The following PTK2B variants were observed in gnomAD, a reference collection of about 807,000 sequenced individuals.
The protein encoded by PTK2B is protein tyrosine kinase 2 beta.
PTK2B carries 71 observed loss-of-function variants against 142.9 expected under a neutral mutation model. The observed-to-expected ratio is 0.50, with a 90% CI of 0.41 to 0.61. PTK2B has a LOEUF of 0.61. PTK2B is among the 20% of genes least tolerant of loss of function. The probability of loss-of-function intolerance (pLI) is 0.00; values close to 1 mark genes in which losing one functional copy is unlikely to be tolerated. For missense variants in PTK2B, 1,105 were observed against 1,320.4 expected, an observed-to-expected ratio of 0.84 and a Z score of 2.53; for synonymous variants, 519 against 503.4, an observed-to-expected ratio of 1.03 and a Z score of -0.42.
intron 1 of PTK2B, among the ~76,000 whole-genome samples, chr8:27,343,675 T>A (rs1804544289): frequency 6.6e-6 from 1 of 152,222 alleles, no homozygotes; most frequent in Admixed American, 6.5e-5. Context: ...ACTGTTACCA[T>A]GTCGCCTGCC....
Position 27,420,002 on chromosome 8 carries a change from G to C in PTK2B, c.312G>C (p.Trp104Cys). 6.2e-7 allele frequency: 1 copy of C among 1,614,190 alleles called. No individual in the cohort carries two copies. Among genetic ancestry groups the C allele is most frequent in the Non-Finnish European group, 8.5e-7 (1 of 1,180,040 alleles). ...ACATGAAGTCCGATGAGATCCACTGGCTGCACCCACAGATGACGGTGGGTG... is the reference window on the plus strand; with the variant it reads ...ACATGAAGTCCGATGAGATCCACTGCCTGCACCCACAGATGACGGTGGGTG... ...LKHMKSDEIH[W>C]LHPQMTVGEV... The change falls in exon 3 of 31, where the codon TGG (tryptophan) becomes TGC (cysteine). Residue 104 changes from tryptophan to cysteine, a missense_variant. Transcript: ENST00000346049.
intron 1 of PTK2B, among the ~76,000 whole-genome samples, chr8:27,367,780 G>C (rs1806109093): frequency 6.6e-6 from 1 of 152,122 alleles, no homozygotes; most frequent in African/African-American, 2.4e-5. Context: ...AGCAGGGGAG[G>C]TGCCAGCCTC....
intron 1 of PTK2B, among the ~76,000 whole-genome samples, chr8:27,354,877 C>T (rs1805307788): frequency 6.6e-6 from 1 of 152,130 alleles, no homozygotes; most frequent in Non-Finnish European, 1.5e-5. Flanking sequence ...TAGGGATGGT[C>T]TTCCGACGGA....
intron 30 of PTK2B, among the ~76,000 whole-genome samples, chr8:27,456,626 C>A (rs1563308872): frequency 1.3e-5 from 2 of 152,316 alleles, no homozygotes; most frequent in East Asian, 3.9e-4. Context: ...GGTCACCCAC[C>A]TCTCACTTTA....
intron 2 of PTK2B, among the ~76,000 whole-genome samples, chr8:27,414,405 C>T (rs370598328): frequency 1.2e-3 from 182 of 152,178 alleles, no homozygotes; most frequent in African/African-American, 4.0e-3. Context: ...CCACCACACC[C>T]GGCTAATTTT....
intron 2 of PTK2B, among the ~76,000 whole-genome samples, chr8:27,403,469 C>T (rs1390868293): frequency 6.6e-6 from 1 of 152,202 alleles, no homozygotes; most frequent in African/African-American, 2.4e-5. Context: ...GCGCTGGCCC[C>T]TGTGCCTAGG....
At chr8:27,398,857 C>T (rs1344121394) in intron 2 of PTK2B, among the ~76,000 whole-genome samples, 1 of 152,256 alleles carries the variant, frequency 6.6e-6, no homozygotes, top group Non-Finnish European at 1.5e-5. Context: ...CTATAGCACA[C>T]GCTGTGCTTC....
intron 2 of PTK2B, among the ~76,000 whole-genome samples, chr8:27,398,370 C>T (rs1408719414): frequency 2.0e-5 from 3 of 152,312 alleles, no homozygotes; most frequent in Admixed American, 6.5e-5. Flanking sequence ...CAGGTACCCA[C>T]CTTCATCAGG....
chr8:27,321,546 C>A (rs1803216859), upstream of PTK2B, among the ~76,000 whole-genome samples: 1 of 152,148 alleles, frequency 6.6e-6, no homozygotes, highest in Non-Finnish European at 1.5e-5. Context: ...GGATTCTTAA[C>A]ATCATAGACT....
At chr8:27,340,247 T>C (rs1804315798) in intron 1 of PTK2B, among the ~76,000 whole-genome samples, 1 of 152,220 alleles carries the variant, frequency 6.6e-6, no homozygotes, top group African/African-American at 2.4e-5. Flanking sequence ...GTGGAGCAGA[T>C]GCCATGGAGG....
Position 27,454,442 on chromosome 8 carries a change from G to A in PTK2B, c.2734-89G>A, listed in dbSNP as rs1020755099. On this transcript the variant is annotated intron_variant, in intron 29 of 30. Coordinates refer to ENST00000346049, the MANE Select transcript of PTK2B (RefSeq NM_173176.3). ...GTCCCAGGCCACTCGCGGGGGACAA[G>A]CACCACCCCAGGAGAGCTCTTCCCA... is the stretch of plus-strand genomic sequence containing the variant. The A allele has an allele frequency of 2.1e-5, 32 of 1,555,796 alleles. No individual in the cohort carries two copies. In the African/African-American group the frequency reaches 3.7e-4, roughly 18 times the overall value.
intron 24 of PTK2B, among the ~76,000 whole-genome samples, chr8:27,449,191 C>G (rs904443222): frequency 6.6e-6 from 1 of 152,194 alleles, no homozygotes; most frequent in East Asian, 1.9e-4. Flanking sequence ...CTTAACCCCA[C>G]GAGAATAAGA....
At chr8:27,386,993 C>T (rs1319222831) in intron 1 of PTK2B, among the ~76,000 whole-genome samples, 1 of 151,750 alleles carries the variant, frequency 6.6e-6, no homozygotes, top group Non-Finnish European at 1.5e-5. Context: ...TGTCAAAAGT[C>T]TGCATTCCTT....
At chr8:27,339,729 CAG>C (rs1276714593) in intron 1 of PTK2B, among the ~76,000 whole-genome samples, 1 of 152,180 alleles carries the variant, frequency 6.6e-6, no homozygotes, top group African/African-American at 2.4e-5. Flanking sequence ...AGTTGGGGAT[CAG>C]GGGGTCAGGG....
chr8:27,432,478 T>A, intron 10 of PTK2B, 117 bp downstream of exon 10: 8 of 884,186 alleles, frequency 9.0e-6, no homozygotes, highest in Non-Finnish European at 1.2e-5. Flanking sequence ...GCTTCCTGGC[T>A]TTGGGGATCG....
At chr8:27,448,796 G>A (rs1391968855) in intron 24 of PTK2B, among the ~76,000 whole-genome samples, 1 of 152,248 alleles carries the variant, frequency 6.6e-6, no homozygotes, top group Non-Finnish European at 1.5e-5. Context: ...CATTGTGTCT[G>A]CAGGTGTTGA....
At position 27,430,096 on chromosome 8, in the gene PTK2B, GT is replaced by G. The variant is rs1563279141; in HGVS notation, c.557del (p.Phe186SerfsTer19). 1 of 1,613,774 alleles carries G rather than the reference GT, an allele frequency of 6.2e-7. No individual in the cohort carries two copies. The highest frequency in any genetic ancestry group is 1.7e-5 in the Admixed American group (1 of 60,018). ...LQLGCLELRR[F>X]FKDMPHNALD... Reference sequence around the variant, plus strand: ...TCTCCACCACCTATTTCTCCAGGCGGTTCTTCAAGGATATGCCCCACAATGC... The same window carrying G: ...TCTCCACCACCTATTTCTCCAGGCGGTCTTCAAGGATATGCCCCACAATGC... On this transcript the variant is annotated frameshift_variant, in exon 6 of 31. Coordinates refer to ENST00000346049, the MANE Select transcript of PTK2B (RefSeq NM_173176.3). LOFTEE classifies it high-confidence loss of function.
chr8:27,379,663 T>C, intron 1 of PTK2B, among the ~76,000 whole-genome samples: 1 of 152,200 alleles, frequency 6.6e-6, no homozygotes. Context: ...GCCTAAGTAG[T>C]CTCCTCATTA....
chr8:27,351,308 G>T (rs932265781), intron 1 of PTK2B, among the ~76,000 whole-genome samples: 2 of 151,838 alleles, frequency 1.3e-5, no homozygotes, highest in Non-Finnish European at 2.9e-5. Context: ...ATATTAAGCC[G>T]ATAGGAACTG....
Sources: gnomAD v4.1 joint callset for allele counts (sites outside exome capture counted in the v4.1 genomes callset) on GRCh38, gnomAD v4.1.1 for gene constraint, MANE v1.5 for transcripts, NCBI Gene and HGNC (gene_info 2026-07-23, HGNC 2026-07-21) for gene names.